Variants in ZNF282 observed in about 807,000 individuals in gnomAD.
The protein encoded by ZNF282 is HTLV-I U5 repressive element-binding protein 1.
Under a neutral mutation model 61.9 loss-of-function variants are expected in ZNF282, and 30 were observed. The ratio of observed to expected loss-of-function variants is 0.48; its 90% confidence interval spans 0.36 to 0.66. The LOEUF (loss-of-function observed/expected upper bound fraction) is 0.66. Ranked by LOEUF, ZNF282 falls within the 30% of genes least tolerant of loss-of-function variation. ZNF282 has a pLI of 0.00. For missense variants in ZNF282, 788 were observed against 941.4 expected (o/e 0.84, Z 2.13); for synonymous variants, 396 against 405.0 (o/e 0.98, Z 0.27).
intron 5 of ZNF282, 151 bp from the exon 6 acceptor site, chr7:149,212,207 C>T: frequency 1.8e-6 from 1 of 555,998 alleles, no homozygotes; most frequent in Non-Finnish European, 3.2e-6. Context: ...GCCAAGCTGA[C>T]TTCAACCTTT....
chr7:149,221,201 G>T (rs1471423578), intron 7 of ZNF282, among the ~76,000 whole-genome samples: 1 of 152,210 alleles, frequency 6.6e-6, no homozygotes, highest in South Asian at 2.1e-4. Context: ...TTACAGGCAT[G>T]AGCCACAGTG....
intron 1 of ZNF282, among the ~76,000 whole-genome samples, chr7:149,196,276 A>C (rs1795814896): frequency 6.6e-6 from 1 of 152,136 alleles, no homozygotes. Flanking sequence ...TGATCCAGGG[A>C]GGGGGCCATG....
At chr7:149,203,565 G>A (rs972943339) in intron 2 of ZNF282, among the ~76,000 whole-genome samples, 6 of 152,088 alleles carry the variant, frequency 3.9e-5, no homozygotes, top group Non-Finnish European at 5.9e-5. Flanking sequence ...CTTTGTTGCC[G>A]AGGCTGGTCT....
intron 7 of ZNF282, 105 bp downstream of exon 7, chr7:149,213,919 A>AGC: frequency 4.1e-6 from 3 of 736,418 alleles, no homozygotes; most frequent in Non-Finnish European, 6.7e-6. Flanking sequence ...TCGTAGGGTG[A>AGC]TGTTCTGTTG....
intron 2 of ZNF282, among the ~76,000 whole-genome samples, chr7:149,204,447 A>G (rs1055601339): frequency 6.6e-6 from 1 of 152,136 alleles, no homozygotes; most frequent in Non-Finnish European, 1.5e-5. Context: ...CTGAGGGAGC[A>G]GCGTGTTGAG....
chr7:149,223,767 G>A, intron 7 of ZNF282, 45 bp from the exon 8 acceptor site: 1 of 1,450,112 alleles, frequency 6.9e-7, no homozygotes, highest in Non-Finnish European at 9.0e-7. Flanking sequence ...GTGGGGTCCT[G>A]GCCGAGAACC....
At chr7:149,218,892 T>A (rs994519284) in intron 7 of ZNF282, among the ~76,000 whole-genome samples, 16 of 152,344 alleles carry the variant, frequency 1.1e-4, no homozygotes, top group African/African-American at 3.4e-4. Flanking sequence ...AGGCTAGGTC[T>A]GGGATGGTCC....
Position 149,207,377 on chromosome 7 carries a change from G to GAT in ZNF282, c.740_741dup (p.Ala248MetfsTer46). ...CGCGGAGGGCTCAGTCCCCAAGCCA[G>GAT]ATGCTCCAGTCCAGGCTGAGCCCAG... On this transcript the variant is annotated frameshift_variant, in exon 4 of 8. Coordinates refer to ENST00000610704, the MANE Select transcript of ZNF282 (RefSeq NM_003575.4). LOFTEE classifies it high-confidence loss of function. 6.3e-7 allele frequency: 1 copy of GAT among 1,585,838 alleles called. No homozygotes were observed. The highest frequency in any genetic ancestry group is 8.6e-7 in the Non-Finnish European group (1 of 1,164,350).
Position 149,207,371 on chromosome 7 carries a change from A to C in ZNF282, c.733A>C (p.Lys245Gln). 6.3e-7 allele frequency: 1 copy of C among 1,586,846 alleles called. No individual in the cohort carries two copies. Among genetic ancestry groups the C allele is most frequent in the Non-Finnish European group, 8.6e-7 (1 of 1,164,978 alleles). The stretch of plus-strand genomic sequence containing the variant: ...TCCAGACGCGGAGGGCTCAGTCCCC[A>C]AGCCAGATGCTCCAGTCCAGGCTGA... ...MSLDAEGSVP[K>Q]PDAPVQAEPR... Residue 245 changes from lysine (K) to glutamine (Q), a missense_variant, in exon 4 of 8, where the codon AAG (lysine) becomes CAG (glutamine). Physicochemically the swap from Lys to Gln is moderately conservative, Grantham distance 53. Coordinates refer to ENST00000610704, the MANE Select transcript of ZNF282 (RefSeq NM_003575.4).
chr7:149,199,270 T>C (rs1795872274), intron 2 of ZNF282, among the ~76,000 whole-genome samples: 1 of 152,170 alleles, frequency 6.6e-6, no homozygotes, highest in African/African-American at 2.4e-5. Context: ...TCCTCAATGC[T>C]GCTTTTCAGT....
rs755934238 is a variant in ZNF282 at position 149,224,649 on chromosome 7, G to A, written c.*2G>A. On this transcript the variant is annotated 3_prime_UTR_variant, in exon 8 of 8. Transcript: ENST00000610704. ...CCGCCGCCTCCTGAGCGAGACTAGG[G>A]CTGGGCTGGGGGAGGGCAGGGCCGG... 5 of 1,507,832 alleles carry A rather than the reference G, an allele frequency of 3.3e-6. No individual in the cohort carries two copies. The highest frequency in any genetic ancestry group is 2.8e-5 in the African/African-American group (2 of 72,556). 93.4% of individuals were successfully genotyped at this position (1,507,832 alleles called of 1,614,324 possible).
intron 7 of ZNF282, among the ~76,000 whole-genome samples, chr7:149,219,813 C>G (rs539573071): frequency 3.9e-4 from 59 of 152,234 alleles, no homozygotes; most frequent in African/African-American, 1.4e-3. Context: ...TGTCACTGCA[C>G]TCCAGCCTGG....
intron 7 of ZNF282, among the ~76,000 whole-genome samples, chr7:149,215,195 ATTTTTTTTTTT>A (rs36096302): frequency 2.2e-5 from 2 of 90,660 alleles, no homozygotes; most frequent in African/African-American, 4.2e-5. Flanking sequence ...ATTTCCTGAC[ATTTTTTTTTTT>A]TTTTTTTTTT....
In ZNF282 at chr7:149,219,644, C is replaced by T. The variant is rs112066299; in HGVS notation, c.1181-4168C>T. ...GGTGGATCATTTGAGGTCGGGAGTT[C>T]GAGACCAGCCTGGCCAACATGGAGA... On this transcript the variant is annotated intron_variant, in intron 7 of 7. Transcript: ENST00000610704. Among the ~76,000 whole-genome samples, 867 of 152,094 alleles carry T rather than the reference C, an allele frequency of 5.7e-3. 5 individuals are homozygous for T. Among genetic ancestry groups the T allele is most frequent in the South Asian group, 0.014 (69 of 4,806 alleles).
intron 6 of ZNF282, 28 bp downstream of exon 6, chr7:149,212,499 A>G: frequency 6.6e-7 from 1 of 1,509,482 alleles, no homozygotes; most frequent in Non-Finnish European, 9.1e-7. Context: ...ATGAATCTTG[A>G]GGGCAACAAG....
intron 2 of ZNF282, among the ~76,000 whole-genome samples, chr7:149,200,380 C>G (rs1230450029): frequency 6.6e-6 from 1 of 152,190 alleles, no homozygotes; most frequent in East Asian, 1.9e-4. Context: ...TGACCACTCT[C>G]TCCGTGAAAC....
intron 2 of ZNF282, among the ~76,000 whole-genome samples, chr7:149,200,929 C>G (rs1202406): frequency 0.85 from 129,631 of 152,186 alleles, 55,546 homozygotes; most frequent in Middle Eastern, 0.97. Context: ...TCTGTATGCT[C>G]TCACCTCCCA....
intron 7 of ZNF282, among the ~76,000 whole-genome samples, chr7:149,220,235 C>A (rs1457728774): frequency 6.6e-6 from 1 of 151,962 alleles, no homozygotes; most frequent in East Asian, 1.9e-4. Context: ...GGTGAAACCC[C>A]GTCTCTACTA....
At chr7:149,213,979 G>A (rs952581958) in intron 7 of ZNF282, among the ~76,000 whole-genome samples, 165 bp downstream of exon 7, 16 of 152,192 alleles carry the variant, frequency 1.1e-4, no homozygotes, top group African/African-American at 3.9e-4. Flanking sequence ...TCTTTTTGGA[G>A]TGTGATATTG....
Sources: allele counts gnomAD v4.1 joint callset (sites outside exome capture counted in the v4.1 genomes callset), GRCh38; gene constraint gnomAD v4.1.1; transcripts MANE v1.5; gene names NCBI Gene and HGNC (gene_info 2026-07-23, HGNC 2026-07-21).